Variants in PES1 observed in about 807,000 individuals in gnomAD.
PES1 encodes the protein pescadillo ribosomal biogenesis factor 1.
Under a neutral mutation model 77.1 loss-of-function variants are expected in PES1, and 31 were observed. The ratio of observed to expected loss-of-function variants is 0.40; its 90% CI spans 0.30 to 0.54. The LOEUF (loss-of-function observed/expected upper bound fraction) is 0.54, where lower values mean the gene tolerates loss of function less well. Ranked by LOEUF, PES1 falls within the 20% of genes least tolerant of loss-of-function variation. The pLI is 0.45. For synonymous variants in PES1, 282 were observed against 303.0 expected (o/e 0.93, Z 0.72); for missense variants, 658 against 771.7 (o/e 0.85, Z 1.75).
chr22:30,589,182 T>C lies in PES1; in HGVS notation c.104+9A>G, dbSNP rs1266555665. ...CTGCCCGGGCTTCCCACGGTCCCTCTATATTCACCTAAAGTCAGCCAAGCT... is the reference window on the plus strand; with the variant it reads ...CTGCCCGGGCTTCCCACGGTCCCTCCATATTCACCTAAAGTCAGCCAAGCT... On this transcript the variant is annotated intron_variant, in intron 2 of 14. Coordinates refer to ENST00000354694, the MANE Select transcript of PES1 (RefSeq NM_014303.4). 9 of 1,611,180 alleles carry C rather than the reference T, an allele frequency of 5.6e-6. No homozygotes were observed. In the Admixed American group the frequency reaches 8.4e-5, roughly 15 times the overall value.
Position 30,589,258 on chromosome 22 carries a change from A to G in PES1, c.37T>C (p.Ser13Pro). ...TTCCGGGTGATGTAGTTGGTGGCCG[A>G]GCCTCGTTCATACTGGGAGAGGAAA... ...GLEKKKYERG[S>P]ATNYITRNKA... Residue 13 changes from serine to proline, a missense_variant, in exon 2 of 15, where the codon TCG (serine) becomes CCG (proline). Ser to Pro is a moderately conservative substitution (Grantham distance 74, BLOSUM62 -1). Transcript: ENST00000354694. 7 of 1,613,690 alleles carry G rather than the reference A, an allele frequency of 4.3e-6. No homozygotes were observed. Among genetic ancestry groups the G allele is most frequent in the Non-Finnish European group, 5.9e-6 (7 of 1,179,770 alleles).
At position 30,579,185 on chromosome 22, in the gene PES1, C is replaced by G. The variant is rs775248599; in HGVS notation, c.1473G>C (p.Glu491Asp). 4.4e-6 allele frequency: 7 copies of G among 1,608,350 alleles called. No individual in the cohort carries two copies. The highest frequency in any genetic ancestry group is 1.7e-5 in the Admixed American group (1 of 59,880). ...EEDAEAGSEK[E>D]EEARLAALEE... ...CCAGGGCTGCCAGCCGGGCCTCTTC[C>G]TCCTTTTCTGAACCAGCCTCTGCAT... The change falls in exon 13 of 15, where the codon GAG becomes GAC. Residue 491 changes from glutamate (E) to aspartate (D), a missense_variant. Transcript: ENST00000354694.
chr22:30,590,061 T>C (rs928320248), intron 1 of PES1, among the ~76,000 whole-genome samples: 4 of 152,184 alleles, frequency 2.6e-5, no homozygotes, highest in Non-Finnish European at 5.9e-5. Context: ...CCCTTCCTCA[T>C]TCATTCATTC....
intron 2 of PES1, among the ~76,000 whole-genome samples, chr22:30,600,769 C>G (rs1229431725): frequency 2.6e-5 from 4 of 152,078 alleles, no homozygotes; most frequent in Non-Finnish European, 5.9e-5. Flanking sequence ...GAGCCGAGAT[C>G]GCGTCACTGC....
chr22:30,597,904 G>A (rs1393203423), intron 2 of PES1, among the ~76,000 whole-genome samples: 1 of 122,274 alleles, frequency 8.2e-6, no homozygotes, highest in Non-Finnish European at 1.6e-5. Context: ...TTTGTTTTGA[G>A]TCGGAGTCTC....
At chr22:30,606,096 C>T (rs183923804) in intron 1 of PES1, among the ~76,000 whole-genome samples, 3 of 152,200 alleles carry the variant, frequency 2.0e-5, no homozygotes, top group African/African-American at 7.2e-5. Context: ...CATTGATTCT[C>T]CTGTGGGGCT....
intron 4 of PES1, among the ~76,000 whole-genome samples, chr22:30,586,549 GCAT>G (rs2087093962): frequency 6.6e-6 from 1 of 152,196 alleles, no homozygotes; most frequent in Admixed American, 6.5e-5. Context: ...GTATTTAGCA[GCAT>G]CACTGGCCTC....
Position 30,581,554 on chromosome 22 carries a change from A to G in PES1, c.721T>C (p.Leu241=), listed in dbSNP as rs755640506. The change falls in exon 7 of 15, where the codon TTG becomes CTG. Residue 241 remains leucine, a synonymous_variant. Coordinates refer to ENST00000354694, the MANE Select transcript of PES1 (RefSeq NM_014303.4). The part of the protein sequence containing the change: ...LGFVNFRLYQ[L]LNLHYPPKLE... ...TTCGGGGGATAGTGGAGGTTGAGCA[A>G]CTGGTAAAGGCGGAAGTTGACAAAG... is the stretch of plus-strand genomic sequence containing the variant. 1 of 1,613,864 alleles carries G rather than the reference A, an allele frequency of 6.2e-7. No individual in the cohort carries two copies. Among genetic ancestry groups the G allele is most frequent in the Non-Finnish European group, 8.5e-7 (1 of 1,179,974 alleles).
Position 30,579,292 on chromosome 22 carries a change from C to T in PES1, c.1366G>A (p.Glu456Lys), listed in dbSNP as rs1320997930. 6.2e-7 allele frequency: 1 copy of T among 1,600,608 alleles called. No homozygotes were observed. The highest frequency in any genetic ancestry group is 8.5e-7 in the Non-Finnish European group (1 of 1,179,928). ...TCCTCTTCCTCCTCCTCTTCTGACT[C>T]ATTCAGGTTTCCTAGAGAAAGCCAA... ...QRGEDPGNLN[E>K]SEEEEEEDDN... The change falls in exon 13 of 15, where the codon GAG becomes AAG. Residue 456 changes from glutamate (E) to lysine (K), a missense_variant. By Grantham distance (56) the Glu-to-Lys change is moderately conservative. Coordinates refer to ENST00000354694, the MANE Select transcript of PES1 (RefSeq NM_014303.4).
At chr22:30,583,338 C>A (rs2087015284) in intron 6 of PES1, among the ~76,000 whole-genome samples, 1 of 152,224 alleles carries the variant, frequency 6.6e-6, no homozygotes, top group Admixed American at 6.5e-5. Context: ...TGCAACCCCA[C>A]CCACAAGGGA....
chr22:30,585,560 G>A (rs118085763), intron 4 of PES1, among the ~76,000 whole-genome samples: 6,186 of 152,180 alleles, frequency 0.041, 174 homozygotes, highest in South Asian at 0.1. Flanking sequence ...AGCCACAGCA[G>A]CTGCCAGAGA....
At chr22:30,580,837 C>A in intron 9 of PES1, 136 bp from the exon 10 acceptor site, 1 of 1,365,986 alleles carries the variant, frequency 7.3e-7, no homozygotes. Context: ...CAAGGCCCCA[C>A]TCCTGAGCTC....
chr22:30,586,093 T>A (rs2087084211), intron 4 of PES1, among the ~76,000 whole-genome samples: 1 of 152,234 alleles, frequency 6.6e-6, no homozygotes, highest in Non-Finnish European at 1.5e-5. Flanking sequence ...TGGCTCTAGC[T>A]AAGGAGCTGG....
chr22:30,580,052 C>A lies in PES1; in HGVS notation c.1169+1G>T. On this transcript the variant is annotated splice_donor_variant, in intron 11 of 14. Coordinates refer to ENST00000354694, the MANE Select transcript of PES1 (RefSeq NM_014303.4). LOFTEE classifies it high-confidence loss of function. ...CCGGACGAGGACCCTTGAGGGCCTACCTGCCAATGACTGAGGTCTGCTGCC... is the reference window on the plus strand; with the variant it reads ...CCGGACGAGGACCCTTGAGGGCCTAACTGCCAATGACTGAGGTCTGCTGCC... 1.2e-6 allele frequency: 2 copies of A among 1,613,684 alleles called. No homozygotes were observed. Among genetic ancestry groups the A allele is most frequent in the East Asian group, 2.2e-5 (1 of 44,876 alleles).
intron 4 of PES1, 139 bp from the exon 5 acceptor site, chr22:30,584,856 GC>G (rs1051739147): frequency 1.2e-6 from 1 of 805,222 alleles, no homozygotes; most frequent in African/African-American, 1.7e-5. Flanking sequence ...GGCAGGAGCA[GC>G]TTCCCCACAG....
At chr22:30,580,261 A>C (rs2146459831) in intron 10 of PES1, 83 bp from the exon 11 acceptor site, 2 of 1,517,804 alleles carry the variant, frequency 1.3e-6, no homozygotes, top group Non-Finnish European at 1.8e-6. Flanking sequence ...CCTGCTGGCC[A>C]CCCAGCCCAT....
At chr22:30,604,815 T>C (rs1047060912) in intron 2 of PES1, among the ~76,000 whole-genome samples, 5 of 152,114 alleles carry the variant, frequency 3.3e-5, no homozygotes, top group African/African-American at 1.2e-4. Flanking sequence ...CAGTGGTTCA[T>C]GCCTGTAATC....
At chr22:30,599,073 T>C (rs1366955013) in intron 2 of PES1, among the ~76,000 whole-genome samples, 1 of 151,592 alleles carries the variant, frequency 6.6e-6, no homozygotes, top group Admixed American at 6.6e-5. Context: ...ACTTTTTGTA[T>C]TTTTAGTTAG....
intron 11 of PES1, 56 bp from the exon 12 acceptor site, chr22:30,579,991 G>A (rs1420576911): frequency 3.1e-6 from 5 of 1,611,196 alleles, no homozygotes; most frequent in Non-Finnish European, 4.2e-6. Flanking sequence ...GGGTCCTGCT[G>A]CATCGCAGGG....
Sources: gnomAD v4.1 joint callset for allele counts (sites outside exome capture counted in the v4.1 genomes callset) on GRCh38, gnomAD v4.1.1 for gene constraint, MANE v1.5 for transcripts, NCBI Gene and HGNC (gene_info 2026-07-23, HGNC 2026-07-21) for gene names.